The following CCDC178 variants were observed in gnomAD, a reference collection of about 807,000 sequenced individuals.
CCDC178 encodes the protein coiled-coil domain-containing protein 178.
A neutral mutation model predicts 117.4 loss-of-function variants in CCDC178; 126 were observed. That is an observed-to-expected ratio of 1.07 (90% CI 0.93 to 1.24). CCDC178 has a LOEUF of 1.24. Ranked by LOEUF, CCDC178 falls within the 50% of genes most tolerant of loss-of-function variation. The pLI, the probability that CCDC178 is intolerant of heterozygous loss-of-function variation, is 0.00. For missense variants in CCDC178, 1,030 were observed against 986.9 expected (o/e 1.04, Z -0.59); for synonymous variants, 283 against 313.4 (o/e 0.90, Z 1.02).
chr18:33,375,172 A>G (rs1158439888), intron 5 of CCDC178, among the ~76,000 whole-genome samples: 3 of 152,208 alleles, frequency 2.0e-5, no homozygotes, highest in Admixed American at 6.5e-5. Context: ...GCAGAACTCA[A>G]TAACCTTGTA....
intron 21 of CCDC178, among the ~76,000 whole-genome samples, chr18:33,069,933 A>G (rs2057080085): frequency 6.6e-6 from 1 of 152,110 alleles, no homozygotes; most frequent in African/African-American, 2.4e-5. Context: ...AATGCTAAAC[A>G]TTACTAATTA....
intron 12 of CCDC178, among the ~76,000 whole-genome samples, chr18:33,270,419 A>G (rs67783924): frequency 0.068 from 10,243 of 151,644 alleles, 532 homozygotes; most frequent in African/African-American, 0.14. Flanking sequence ...GTAAAAACTC[A>G]AAGATATATA....
intron 20 of CCDC178, among the ~76,000 whole-genome samples, chr18:33,195,945 G>T (rs193169178): frequency 3.5e-4 from 54 of 152,274 alleles, no homozygotes; most frequent in Middle Eastern, 3.4e-3. Flanking sequence ...AATTATTTGT[G>T]TAGAGTTGAA....
rs1159800529 is a variant in CCDC178 at position 33,027,694 on chromosome 18, C to T, written c.2389-53013G>A. 2.6e-5 allele frequency among the ~76,000 whole-genome samples: 4 copies of T among 151,622 alleles called. No individual in the cohort carries two copies. In the East Asian group the frequency reaches 7.7e-4, roughly 29 times the overall value. ...CAATTCTAGTTAAGTGTGCACCTAA[C>T]AACATATCATCAAAATATATTAAGC... is the stretch of plus-strand genomic sequence containing the variant. On this transcript the variant is annotated intron_variant, in intron 21 of 22. Coordinates refer to ENST00000383096, the MANE Select transcript of CCDC178 (RefSeq NM_001105528.4).
At chr18:33,329,874 A>AGTGTGTGTGTGT (rs764565977) in intron 10 of CCDC178, among the ~76,000 whole-genome samples, 17 of 75,364 alleles carry the variant, frequency 2.3e-4, no homozygotes, top group South Asian at 8.2e-4. Flanking sequence ...GAGAATTATT[A>AGTGTGTGTGTGT]GAGTGTGTGT....
intron 20 of CCDC178, among the ~76,000 whole-genome samples, chr18:33,207,753 AAT>A (rs1225892770): frequency 6.6e-6 from 1 of 152,068 alleles, no homozygotes; most frequent in Admixed American, 6.6e-5. Flanking sequence ...ATATTACTTT[AAT>A]ATAGTATTAG....
At chr18:33,185,515 T>G (rs1224402458) in intron 20 of CCDC178, among the ~76,000 whole-genome samples, 1 of 152,006 alleles carries the variant, frequency 6.6e-6, no homozygotes, top group South Asian at 2.1e-4. Flanking sequence ...AGCTACAGTA[T>G]GAAACCACAG....
At chr18:33,138,662 T>C (rs1483781053) in intron 20 of CCDC178, among the ~76,000 whole-genome samples, 2 of 152,326 alleles carry the variant, frequency 1.3e-5, no homozygotes, top group Non-Finnish European at 2.9e-5. Context: ...CTTTATTTCA[T>C]TTCATTCATA....
At chr18:33,221,308 G>A (rs1173964828) in intron 18 of CCDC178, among the ~76,000 whole-genome samples, 1 of 152,070 alleles carries the variant, frequency 6.6e-6, no homozygotes, top group Admixed American at 6.6e-5. Context: ...AGTCGAGTTT[G>A]GGCTCTAGTC....
intron 9 of CCDC178, among the ~76,000 whole-genome samples, chr18:33,335,058 G>GCATA: frequency 6.6e-6 from 1 of 151,880 alleles, no homozygotes; most frequent in East Asian, 1.9e-4. Flanking sequence ...TTTTGCCATT[G>GCATA]GTTTTACATT....
chr18:32,998,108 C>T (rs1487635077), intron 21 of CCDC178, among the ~76,000 whole-genome samples: 1 of 152,170 alleles, frequency 6.6e-6, no homozygotes, highest in Admixed American at 6.5e-5. Flanking sequence ...TCACTGACAC[C>T]ACCCCTCCAC....
intron 20 of CCDC178, among the ~76,000 whole-genome samples, chr18:33,109,147 T>G (rs1200069726): frequency 1.3e-5 from 2 of 151,684 alleles, no homozygotes; most frequent in Non-Finnish European, 3.0e-5. Flanking sequence ...ACATTACAGC[T>G]TTTTGTGGGC....
chr18:33,090,932 T>C (rs2057452278), intron 21 of CCDC178, among the ~76,000 whole-genome samples: 1 of 152,190 alleles, frequency 6.6e-6, no homozygotes, highest in African/African-American at 2.4e-5. Flanking sequence ...AATTTTGCTC[T>C]TACTATGAAA....
chr18:33,208,592 A>G (rs567028330), intron 20 of CCDC178, among the ~76,000 whole-genome samples: 1 of 152,170 alleles, frequency 6.6e-6, no homozygotes, highest in East Asian at 1.9e-4. Context: ...TACTCATGAA[A>G]TAGTTGTGAG....
chr18:32,988,336 T>C (rs1455387876), intron 21 of CCDC178, among the ~76,000 whole-genome samples: 2 of 151,714 alleles, frequency 1.3e-5, no homozygotes, highest in African/African-American at 4.8e-5. Context: ...CTCGGGAGGC[T>C]GAGGCAGGAG....
At chr18:33,012,819 C>T (rs1046810592) in intron 21 of CCDC178, among the ~76,000 whole-genome samples, 3 of 152,014 alleles carry the variant, frequency 2.0e-5, no homozygotes, top group Non-Finnish European at 2.9e-5. Context: ...ATGCCTTTAG[C>T]AAATAGGAAT....
intron 15 of CCDC178, 92 bp downstream of exon 15, chr18:33,245,153 A>G: frequency 8.4e-7 from 1 of 1,197,604 alleles, no homozygotes; most frequent in African/African-American, 1.6e-5. Flanking sequence ...TAATCCTTAA[A>G]TTAAAATCTA....
At chr18:33,082,192 C>G (rs890447414) in intron 21 of CCDC178, among the ~76,000 whole-genome samples, 3 of 152,130 alleles carry the variant, frequency 2.0e-5, no homozygotes, top group African/African-American at 7.2e-5. Context: ...ATAATTAGGT[C>G]TGGCATGGTG....
intron 21 of CCDC178, among the ~76,000 whole-genome samples, chr18:33,010,597 A>G (rs2055843936): frequency 6.6e-6 from 1 of 152,190 alleles, no homozygotes. Context: ...ACAGTAATAT[A>G]GAAGAAATTA....
Sources: allele counts gnomAD v4.1 joint callset (sites outside exome capture counted in the v4.1 genomes callset), GRCh38; gene constraint gnomAD v4.1.1; transcripts MANE v1.5; gene names NCBI Gene and HGNC (gene_info 2026-07-23, HGNC 2026-07-21).